SUSD5: variants seen among roughly 807,000 people sequenced by gnomAD.
SUSD5 encodes sushi domain containing 5.
A neutral mutation model predicts 29.5 loss-of-function variants in SUSD5; 33 were observed. That is an observed-to-expected ratio of 1.12 (90% CI 0.85 to 1.49). The LOEUF (loss-of-function observed/expected upper bound fraction) is 1.49. SUSD5 is among the 40% of genes most tolerant of loss of function. SUSD5 has a pLI of 0.00. For missense variants in SUSD5, 776 were observed against 800.6 expected (o/e 0.97, Z 0.37); for synonymous variants, 308 against 325.3 (o/e 0.95, Z 0.57).
intron 3 of SUSD5, among the ~76,000 whole-genome samples, chr3:33,206,748 T>C (rs1189122198): frequency 6.6e-5 from 10 of 152,220 alleles, no homozygotes. Context: ...CAAGTTCTTC[T>C]GGTATTTCAC....
At chr3:33,171,963 G>A (rs2031435492) in intron 4 of SUSD5, among the ~76,000 whole-genome samples, 1 of 152,124 alleles carries the variant, frequency 6.6e-6, no homozygotes, top group East Asian at 1.9e-4. Flanking sequence ...TTAGGGTTGA[G>A]ACAGTGTTTA....
At chr3:33,186,050 A>G (rs1420002546) in intron 3 of SUSD5, among the ~76,000 whole-genome samples, 1 of 152,148 alleles carries the variant, frequency 6.6e-6, no homozygotes, top group Non-Finnish European at 1.5e-5. Context: ...TGCTTAAAAG[A>G]AGATAGACTT....
Position 33,204,231 on chromosome 3 carries a change from G to C in SUSD5, c.409+3577C>G, listed in dbSNP as rs1054419901. 1.3e-5 allele frequency among the ~76,000 whole-genome samples: 2 copies of C among 152,062 alleles called. No homozygotes were observed. Among genetic ancestry groups the C allele is most frequent in the Non-Finnish European group, 2.9e-5 (2 of 68,016 alleles). On this transcript the variant is annotated intron_variant, in intron 3 of 4. Transcript: ENST00000309558. This position sits in a 1 kb window ranked among gnomAD's most constrained non-coding sequence, Gnocchi z 4.5. ...TGTATCTTGCTATGTTGCCCAGGCTGGTCTCAAACTTCTGGGCTCAAGTTA... is the reference window on the plus strand; with the variant it reads ...TGTATCTTGCTATGTTGCCCAGGCTCGTCTCAAACTTCTGGGCTCAAGTTA...
intron 4 of SUSD5, among the ~76,000 whole-genome samples, chr3:33,172,975 A>T (rs2031468697): frequency 6.6e-6 from 1 of 152,266 alleles, no homozygotes; most frequent in Non-Finnish European, 1.5e-5. Context: ...TGTGAGTTTG[A>T]AAAGATAAGC....
At chr3:33,165,872 G>C (rs1001970985) in intron 4 of SUSD5, among the ~76,000 whole-genome samples, 2 of 152,170 alleles carry the variant, frequency 1.3e-5, no homozygotes, top group Admixed American at 6.5e-5. Flanking sequence ...CCCAGGTGCA[G>C]TGGCTCATGC....
In SUSD5 at chr3:33,183,930, C is replaced by CTTTTTTTTTTTTTTTTTTT. The variant is rs68055129; in HGVS notation, c.410-8875_410-8857dup. On this transcript the variant is annotated intron_variant, in intron 3 of 4. Transcript: ENST00000309558. ...AACACTTTAAATATTTTATTACCCTCTTTTTTTTTTTTTTTTTTTTTTTTT... is the reference window on the plus strand; with the variant it reads ...AACACTTTAAATATTTTATTACCCTCTTTTTTTTTTTTTTTTTTTTTTTTTTTTTTTTTTTTTTTTTTTT... 8.6e-4 allele frequency among the ~76,000 whole-genome samples: 54 copies of CTTTTTTTTTTTTTTTTTTT among 62,594 alleles called. 4 individuals carry two copies. The highest frequency in any genetic ancestry group is 3.5e-3 in the African/African-American group (47 of 13,308). 41.1% of individuals were successfully genotyped at this position (62,594 alleles called of 152,430 possible).
intron 3 of SUSD5, among the ~76,000 whole-genome samples, chr3:33,187,509 T>C (rs1302302135): frequency 6.6e-6 from 1 of 152,206 alleles, no homozygotes; most frequent in Admixed American, 6.5e-5. Flanking sequence ...ACACCACTCA[T>C]ATCCAGGTGC....
rs543801064 is a variant in SUSD5, at chr3:33,213,995, G to A, written c.223C>T (p.Arg75Trp). 20 of 1,613,702 alleles carry A rather than the reference G, an allele frequency of 1.2e-5. No individual in the cohort carries two copies. The highest frequency in any genetic ancestry group is 8.0e-5 in the African/African-American group (6 of 75,032). ...GAHLASADELRRVVQDCSFAV... is the reference protein window; with the variant it reads ...GAHLASADELWRVVQDCSFAV... ...AAGGAGCAATCCTGTACCACTCTCC[G>A]CAGCTCGTCTGCAGATGCCAGGTGA... is the stretch of plus-strand genomic sequence containing the variant. Residue 75 changes from arginine to tryptophan, a missense_variant, in exon 2 of 5, where the codon CGG (arginine) becomes TGG (tryptophan). Physicochemically the swap from Arg to Trp is moderately radical, Grantham distance 101. Coordinates refer to ENST00000309558, the MANE Select transcript of SUSD5 (RefSeq NM_015551.2).
intron 3 of SUSD5, among the ~76,000 whole-genome samples, chr3:33,185,490 C>T (rs2125624546): frequency 6.6e-6 from 1 of 152,262 alleles, no homozygotes; most frequent in South Asian, 2.1e-4. Flanking sequence ...GCTACGTTTT[C>T]CTACCCTGGC....
intron 3 of SUSD5, among the ~76,000 whole-genome samples, chr3:33,180,759 G>C (rs113414740): frequency 0.02 from 3,018 of 152,078 alleles, 62 homozygotes; most frequent in East Asian, 0.084. Flanking sequence ...AGAATAGCTT[G>C]AACCCAGGAG....
At chr3:33,179,662 G>A (rs1243345779) in intron 3 of SUSD5, among the ~76,000 whole-genome samples, 1 of 152,132 alleles carries the variant, frequency 6.6e-6, no homozygotes, top group Non-Finnish European at 1.5e-5. Flanking sequence ...TTGCTTTGGG[G>A]TTTCATTTTC....
At chr3:33,218,478 C>G (rs914931761) in intron 1 of SUSD5, among the ~76,000 whole-genome samples, 1 of 152,210 alleles carries the variant, frequency 6.6e-6, no homozygotes, top group African/African-American at 2.4e-5. Flanking sequence ...GGTCCAGGCA[C>G]CAGGCGGGCG....
Position 33,175,279 on chromosome 3 carries a change from G to A in SUSD5, c.410-205C>T, listed in dbSNP as rs376529098. On this transcript the variant is annotated intron_variant, in intron 3 of 4. Transcript: ENST00000309558. ...AGAGGCACTCAAAAATACTTGTTGC[G>A]TGAATAAACGCCACATAAAGTGCTG... Among the ~76,000 whole-genome samples, 6 of 152,152 alleles carry A rather than the reference G, an allele frequency of 3.9e-5. No individual in the cohort carries two copies. In the South Asian group the frequency reaches 6.2e-4, roughly 16 times the overall value.
intron 4 of SUSD5, among the ~76,000 whole-genome samples, chr3:33,160,580 T>C: frequency 6.6e-6 from 1 of 152,102 alleles, no homozygotes. Context: ...CCATTCCCTC[T>C]TCTGGATTAA....
At chr3:33,194,154 G>C (rs1384732074) in intron 3 of SUSD5, among the ~76,000 whole-genome samples, 1 of 152,194 alleles carries the variant, frequency 6.6e-6, no homozygotes, top group Non-Finnish European at 1.5e-5. Flanking sequence ...AACTGACAGA[G>C]CAAGAGGACA....
chr3:33,153,701 C>A lies in SUSD5; in HGVS notation c.931G>T (p.Asp311Tyr). The A allele has an allele frequency of 4.3e-6, 7 of 1,614,042 alleles. No individual in the cohort carries two copies. Among genetic ancestry groups the A allele is most frequent in the Non-Finnish European group, 5.9e-6 (7 of 1,179,902 alleles). The change falls in exon 5 of 5, where the codon GAT becomes TAT. Residue 311 changes from aspartate to tyrosine, a missense_variant. Asp to Tyr is a radical substitution (Grantham distance 160, BLOSUM62 -3). Transcript: ENST00000309558. ...FHKPGLEKEV[D>Y]DDTKKQFSAG... Reference sequence around the variant, plus strand: ...GAAAACTGCTTTTTGGTGTCATCATCCACCTCCTTTTCCAACCCAGGCTTG... The same window carrying A: ...GAAAACTGCTTTTTGGTGTCATCATACACCTCCTTTTCCAACCCAGGCTTG...
At chr3:33,201,179 C>G (rs1014994006) in intron 3 of SUSD5, among the ~76,000 whole-genome samples, 10 of 152,176 alleles carry the variant, frequency 6.6e-5, no homozygotes, top group African/African-American at 2.4e-4. Flanking sequence ...ATCTCCAAGT[C>G]CATGCTCAGA....
intron 4 of SUSD5, among the ~76,000 whole-genome samples, chr3:33,164,096 C>T (rs1374505573): frequency 1.3e-5 from 2 of 152,122 alleles, no homozygotes; most frequent in African/African-American, 2.4e-5. Flanking sequence ...ATCACTTGAA[C>T]CCAGGAGGTG....
chr3:33,188,590 T>C (rs775035588), intron 3 of SUSD5, among the ~76,000 whole-genome samples: 9 of 152,228 alleles, frequency 5.9e-5, no homozygotes, highest in Non-Finnish European at 1.0e-4. Flanking sequence ...CTAGGTAATG[T>C]TGAGACTGCT....
Sources: gnomAD v4.1 joint callset for allele counts (sites outside exome capture counted in the v4.1 genomes callset) on GRCh38, gnomAD v4.1.1 for gene constraint, Gnocchi (gnomAD v3.1) non-coding constraint, MANE v1.5 for transcripts, NCBI Gene and HGNC (gene_info 2026-07-23, HGNC 2026-07-21) for gene names.